The following NELL2 variants were observed in gnomAD, a reference collection of about 807,000 sequenced individuals.
The protein encoded by NELL2 is neural EGFL like 2.
NELL2 carries 41 observed loss-of-function variants against 109.6 expected under a neutral mutation model. The observed-to-expected ratio is 0.37, with a 90% confidence interval of 0.29 to 0.49. The LOEUF is 0.49. Among genes scored for constraint, NELL2 ranks in the 20% least tolerant of loss-of-function variants. The pLI is 0.98. For missense variants in NELL2, 900 were observed against 1,008.3 expected, an observed-to-expected ratio of 0.89 and a Z score of 1.45; for synonymous variants, 355 against 344.7, an observed-to-expected ratio of 1.03 and a Z score of -0.33.
Position 44,779,770 on chromosome 12 carries a change from G to C in NELL2, c.510-11C>G. The C allele has an allele frequency of 2.5e-6, 4 of 1,613,672 alleles. No individual in the cohort carries two copies. The highest frequency in any genetic ancestry group is 3.4e-6 in the Non-Finnish European group (4 of 1,179,740). On this transcript the variant is annotated splice_polypyrimidine_tract_variant and intron_variant, in intron 4 of 19. Transcript: ENST00000429094. ...ACCCTTTCATAAATTCTGCAAAAAAGAAACATCAAAGAAGGAACGTGAGTA... is the reference window on the plus strand; with the variant it reads ...ACCCTTTCATAAATTCTGCAAAAAACAAACATCAAAGAAGGAACGTGAGTA...
intron 3 of NELL2, among the ~76,000 whole-genome samples, chr12:44,791,741 A>C (rs891850689): frequency 1.3e-5 from 2 of 152,142 alleles, no homozygotes; most frequent in Non-Finnish European, 2.9e-5. Context: ...CTATAAGAAG[A>C]GTAAGTTTAG....
intron 9 of NELL2, among the ~76,000 whole-genome samples, chr12:44,729,894 A>G (rs1460590104): frequency 1.3e-5 from 2 of 151,984 alleles, no homozygotes; most frequent in Non-Finnish European, 2.9e-5. Context: ...CTTGGGTTCA[A>G]TCTATTCTGC....
rs375203371 is a variant in NELL2 at position 44,742,782 on chromosome 12, C to G, written c.995-28041G>C. 1.4e-4 allele frequency among the ~76,000 whole-genome samples: 22 copies of G among 152,246 alleles called. 1 individual carries two copies. In the East Asian group the frequency reaches 2.5e-3, roughly 17 times the overall value. On this transcript the variant is annotated intron_variant, in intron 9 of 19. Coordinates refer to ENST00000429094, the MANE Select transcript of NELL2 (RefSeq NM_001145108.2). ...GAATAAAAAGAAATGAACAAAGCCTCCAAGAAAATGGGACTACGTGAAAAG... is the reference window on the plus strand; with the variant it reads ...GAATAAAAAGAAATGAACAAAGCCTGCAAGAAAATGGGACTACGTGAAAAG...
At chr12:44,776,981 G>C in intron 7 of NELL2, 61 bp downstream of exon 7, 1 of 1,373,852 alleles carries the variant, frequency 7.3e-7, no homozygotes, top group Non-Finnish European at 1.0e-6. Flanking sequence ...GTTATAAATG[G>C]AAGTATTGGG....
chr12:44,526,889 G>A (rs1941806975), intron 16 of NELL2, among the ~76,000 whole-genome samples: 1 of 152,078 alleles, frequency 6.6e-6, no homozygotes, highest in South Asian at 2.1e-4. Context: ...CCAAAATGTG[G>A]GTTTGATGCA....
intron 1 of NELL2, among the ~76,000 whole-genome samples, chr12:44,907,658 G>T (rs1462322782): frequency 6.6e-6 from 1 of 151,960 alleles, no homozygotes; most frequent in African/African-American, 2.4e-5. Flanking sequence ...AAGGAGAGAA[G>T]TACAATGGTA....
chr12:44,734,429 G>T (rs1344852620), intron 9 of NELL2, among the ~76,000 whole-genome samples: 1 of 151,484 alleles, frequency 6.6e-6, no homozygotes, highest in African/African-American at 2.4e-5. Context: ...TATTTTGAAT[G>T]TTTAGTCTAT....
At chr12:44,550,664 C>A (rs188099738) in intron 15 of NELL2, among the ~76,000 whole-genome samples, 1 of 152,096 alleles carries the variant, frequency 6.6e-6, no homozygotes, top group East Asian at 1.9e-4. Context: ...TATATACATA[C>A]AATGAAATAC....
intron 3 of NELL2, among the ~76,000 whole-genome samples, chr12:44,799,403 C>G (rs73104369): frequency 6.6e-6 from 1 of 152,188 alleles, no homozygotes; most frequent in Non-Finnish European, 1.5e-5. Context: ...GGTTCTGCCT[C>G]TAGTCCCTGC....
intron 15 of NELL2, among the ~76,000 whole-genome samples, chr12:44,595,101 A>C (rs1944906529): frequency 6.6e-6 from 1 of 152,224 alleles, no homozygotes; most frequent in East Asian, 1.9e-4. Context: ...ATGCTTACAC[A>C]ATCTGTTAGA....
At chr12:44,597,828 G>C (rs1188209169) in intron 15 of NELL2, among the ~76,000 whole-genome samples, 2 of 152,160 alleles carry the variant, frequency 1.3e-5, no homozygotes, top group African/African-American at 4.8e-5. Context: ...AAGGAAAGGG[G>C]CAAAGAACAC....
chr12:44,608,531 AG>A, intron 14 of NELL2, among the ~76,000 whole-genome samples: 1 of 152,164 alleles, frequency 6.6e-6, no homozygotes. Flanking sequence ...GGAACCGAAC[AG>A]TCTTTATTCG....
In NELL2 at chr12:44,858,788, G is replaced by A. The variant is rs187471224; in HGVS notation, c.184+16437C>T. 8.5e-5 allele frequency among the ~76,000 whole-genome samples: 13 copies of A among 152,284 alleles called. No individual in the cohort carries two copies. In the East Asian group the frequency reaches 2.1e-3, roughly 25 times the overall value. Reference sequence around the variant, plus strand: ...GTCAATAAAAGCAATGTAAGCAAGTGCTCAAATGACACAAAAAGGCCCTAA... The same window carrying A: ...GTCAATAAAAGCAATGTAAGCAAGTACTCAAATGACACAAAAAGGCCCTAA... On this transcript the variant is annotated intron_variant, in intron 2 of 19. Coordinates refer to ENST00000429094, the MANE Select transcript of NELL2 (RefSeq NM_001145108.2).
At chr12:44,789,275 C>A (rs776266076) in intron 3 of NELL2, among the ~76,000 whole-genome samples, 3 of 152,118 alleles carry the variant, frequency 2.0e-5, no homozygotes. Flanking sequence ...GCTGAGAGAC[C>A]CATAGACGAT....
chr12:44,876,529 C>T (rs1470475711), upstream of NELL2: 6 of 1,417,988 alleles, frequency 4.2e-6, no homozygotes, highest in East Asian at 2.6e-5. Flanking sequence ...CTCGATGACC[C>T]GGGCAATGCC....
intron 11 of NELL2, 133 bp downstream of exon 11, chr12:44,711,159 T>A (rs924204089): frequency 1.6e-6 from 1 of 634,734 alleles, no homozygotes; most frequent in Non-Finnish European, 2.8e-6. Flanking sequence ...TGTGCCAAAT[T>A]AGGAGAGCAT....
At chr12:44,701,032 A>T (rs913230711) in intron 12 of NELL2, among the ~76,000 whole-genome samples, 30 of 152,080 alleles carry the variant, frequency 2.0e-4, no homozygotes, top group Non-Finnish European at 4.1e-4. Flanking sequence ...TGGCTTGCTT[A>T]TTTTTATGTA....
chr12:44,820,475 G>T (rs1395235996), intron 2 of NELL2, among the ~76,000 whole-genome samples: 1 of 152,082 alleles, frequency 6.6e-6, no homozygotes, highest in Non-Finnish European at 1.5e-5. Flanking sequence ...CAGGCGTGGT[G>T]ATGGGCGCCT....
intron 11 of NELL2, among the ~76,000 whole-genome samples, chr12:44,709,768 T>C (rs1412001395): frequency 6.6e-6 from 1 of 152,198 alleles, no homozygotes; most frequent in Non-Finnish European, 1.5e-5. Context: ...GTTAGTCATA[T>C]GTATATTTAA....
Sources: gnomAD v4.1 joint callset for allele counts (sites outside exome capture counted in the v4.1 genomes callset) on GRCh38, gnomAD v4.1.1 for gene constraint, MANE v1.5 for transcripts, NCBI Gene and HGNC (gene_info 2026-07-23, HGNC 2026-07-21) for gene names.